Variants in PTGR1 observed in about 807,000 individuals in gnomAD.
The protein encoded by PTGR1 is 15-oxoprostaglandin 13-reductase.
Under a neutral mutation model 37.7 loss-of-function variants are expected in PTGR1, and 23 were observed. The ratio of observed to expected loss-of-function variants is 0.61; its 90% CI spans 0.44 to 0.86. The LOEUF (loss-of-function observed/expected upper bound fraction) is 0.86. Ranked by LOEUF, PTGR1 falls within the 40% of genes least tolerant of loss-of-function variation. The probability of loss-of-function intolerance (pLI) is 0.00; values close to 1 mark genes in which losing one functional copy is unlikely to be tolerated. For missense variants in PTGR1, 351 were observed against 394.3 expected, an observed-to-expected ratio of 0.89 and a Z score of 0.93; for synonymous variants, 134 against 140.0, an observed-to-expected ratio of 0.96 and a Z score of 0.30.
chr9:111,589,933 C>T (rs1829558280), intron 4 of PTGR1, among the ~76,000 whole-genome samples: 1 of 152,146 alleles, frequency 6.6e-6, no homozygotes, highest in Non-Finnish European at 1.5e-5. Context: ...CTGCCCCCGG[C>T]ATGAATAAAT....
intron 8 of PTGR1, among the ~76,000 whole-genome samples, chr9:111,570,962 G>A (rs1564613552): frequency 6.6e-6 from 1 of 152,200 alleles, no homozygotes; most frequent in Non-Finnish European, 1.5e-5. Flanking sequence ...AAGAGCCTAT[G>A]CCCCTGGCTT....
In PTGR1 at chr9:111,563,039, G is replaced by A. The variant is rs886931230; in HGVS notation, c.*82C>T. On this transcript the variant is annotated 3_prime_UTR_variant, in exon 10 of 10. Coordinates refer to ENST00000407693, the MANE Select transcript of PTGR1 (RefSeq NM_001146108.2). ...GAGTACTATTTCTTAAGACATTTAAGGTAGTATACATTTTTGCTAAATGGT... is the reference window on the plus strand; with the variant it reads ...GAGTACTATTTCTTAAGACATTTAAAGTAGTATACATTTTTGCTAAATGGT... The A allele has an allele frequency of 4.0e-5, 62 of 1,542,618 alleles. No homozygotes were observed. The East Asian group carries it at 1.3e-3, about 32-fold the overall frequency.
intron 9 of PTGR1, among the ~76,000 whole-genome samples, chr9:111,555,654 C>T (rs12339139): frequency 0.34 from 51,203 of 151,920 alleles, 9,407 homozygotes; most frequent in Non-Finnish European, 0.42. Flanking sequence ...CACATCTTCA[C>T]ATGGCAGCAG....
At chr9:111,558,571 A>C (rs1265079211), downstream of PTGR1, among the ~76,000 whole-genome samples, 1 of 152,230 alleles carries the variant, frequency 6.6e-6, no homozygotes, top group East Asian at 1.9e-4. Flanking sequence ...CCAGCCCCAG[A>C]ACAAACCATT....
At chr9:111,569,956 T>TAAGCACAATGACCCAATAGGG in intron 9 of PTGR1, 135 bp downstream of exon 9, 1 of 1,390,366 alleles carries the variant, frequency 7.2e-7, no homozygotes, top group Non-Finnish European at 9.9e-7. Flanking sequence ...ATTTATACTC[T>TAAGCACAATGACCCAATAGGG]AAGCACAATG....
intron 9 of PTGR1, among the ~76,000 whole-genome samples, chr9:111,556,431 C>T (rs1431577833): frequency 6.6e-6 from 1 of 152,212 alleles, no homozygotes; most frequent in African/African-American, 2.4e-5. Context: ...GGCTCCATCC[C>T]CATGTTATCC....
intron 5 of PTGR1, among the ~76,000 whole-genome samples, chr9:111,584,631 A>G (rs1177981338): frequency 2.6e-5 from 4 of 152,074 alleles, no homozygotes; most frequent in African/African-American, 4.8e-5. Flanking sequence ...AAGGAAAGGG[A>G]AGGAAGGGTG....
At chr9:111,575,777 C>G (rs1035915648) in intron 7 of PTGR1, among the ~76,000 whole-genome samples, 5 of 151,708 alleles carry the variant, frequency 3.3e-5, no homozygotes, top group Admixed American at 1.3e-4. Context: ...AATGTAACAG[C>G]TAAAACTATA....
At chr9:111,560,708 C>T (rs1445644177), downstream of PTGR1, among the ~76,000 whole-genome samples, 4 of 146,998 alleles carry the variant, frequency 2.7e-5, no homozygotes, top group East Asian at 8.0e-4. Flanking sequence ...CTTTGGGAGG[C>T]CGAGGTGGCC....
chr9:111,564,493 A>G (rs2132321756), intron 9 of PTGR1, among the ~76,000 whole-genome samples: 1 of 151,580 alleles, frequency 6.6e-6, no homozygotes, highest in East Asian at 2.0e-4. Context: ...TTTTGTAGAG[A>G]CGGGGTCTTG....
intron 7 of PTGR1, chr9:111,576,246 C>T: frequency 1.1e-6 from 1 of 935,338 alleles, no homozygotes. Flanking sequence ...ATTTGCAAGC[C>T]ATATAGAGTT....
chr9:111,560,968 TATATATAGAGAGAGAG>T (rs1176820105), downstream of PTGR1, among the ~76,000 whole-genome samples: 5 of 40,066 alleles, frequency 1.2e-4, no homozygotes, highest in Admixed American at 1.1e-3. Flanking sequence ...TATATATATA[TATATATAGAGAGAGAG>T]AGAGAGAGAG....
chr9:111,570,329 C>T, intron 8 of PTGR1, 120 bp from the exon 9 acceptor site: 1 of 1,430,372 alleles, frequency 7.0e-7, no homozygotes, highest in Non-Finnish European at 9.2e-7. Context: ...TTCTCCCCTT[C>T]CATTTCCTCA....
intron 4 of PTGR1, chr9:111,592,214 A>C (rs1460911668): frequency 6.6e-6 from 1 of 152,164 alleles, no homozygotes; most frequent in African/African-American, 2.4e-5. Context: ...GTTTCTATGG[A>C]TTGTTTGTAA....
chr9:111,595,794 C>T (rs1829763365), intron 2 of PTGR1, among the ~76,000 whole-genome samples: 1 of 152,102 alleles, frequency 6.6e-6, no homozygotes, highest in African/African-American at 2.4e-5. Context: ...CCACCACACC[C>T]AGCTAATTTT....
At chr9:111,556,177 A>T (rs771848022) in intron 9 of PTGR1, among the ~76,000 whole-genome samples, 2 of 152,248 alleles carry the variant, frequency 1.3e-5, no homozygotes, top group Non-Finnish European at 2.9e-5. Flanking sequence ...ATTAAATCTT[A>T]TAGCTCCATA....
intron 4 of PTGR1, chr9:111,592,310 G>A (rs1291161402): frequency 6.6e-6 from 1 of 152,196 alleles, no homozygotes; most frequent in Non-Finnish European, 1.5e-5. Flanking sequence ...TTAAGGCTCT[G>A]TTAGAAATTA....
intron 9 of PTGR1, among the ~76,000 whole-genome samples, chr9:111,553,396 A>G (rs1828029096): frequency 6.6e-6 from 1 of 152,204 alleles, no homozygotes; most frequent in South Asian, 2.1e-4. Context: ...CTAGAAAATA[A>G]TTATAATGAA....
At position 111,597,367 on chromosome 9, in the gene PTGR1, T is replaced by C; in HGVS notation, c.56A>G (p.Asn19Ser). The change falls in exon 2 of 10, where the codon AAT (asparagine) becomes AGT (serine). Residue 19 changes from asparagine (N) to serine (S), a missense_variant. Physicochemically the swap from Asn to Ser is conservative, Grantham distance 46. Coordinates refer to ENST00000407693, the MANE Select transcript of PTGR1 (RefSeq NM_001146108.2). ...AGCTGTCTTCAACTCAAAGTCACTATTAGTAGGATAGCCAACAAAGTGCTT... is the reference window on the plus strand; with the variant it reads ...AGCTGTCTTCAACTCAAAGTCACTACTAGTAGGATAGCCAACAAAGTGCTT... ...LKKHFVGYPTNSDFELKTAEL... is the reference protein window; with the variant it reads ...LKKHFVGYPTSSDFELKTAEL... The C allele has an allele frequency of 6.2e-7, 1 of 1,613,706 alleles. No homozygotes were observed. The highest frequency in any genetic ancestry group is 1.1e-5 in the South Asian group (1 of 90,954).
Sources: gnomAD v4.1 joint callset for allele counts (sites outside exome capture counted in the v4.1 genomes callset) on GRCh38, gnomAD v4.1.1 for gene constraint, MANE v1.5 for transcripts, NCBI Gene and HGNC (gene_info 2026-07-23, HGNC 2026-07-21) for gene names.